The following DENND1A variants were observed in gnomAD, a reference collection of about 807,000 sequenced individuals.
DENND1A encodes DENN domain-containing protein 1A.
DENND1A carries 51 observed loss-of-function variants against 113.7 expected under a neutral mutation model. The ratio of observed to expected loss-of-function variants is 0.45; its 90% CI spans 0.36 to 0.57. DENND1A has a LOEUF of 0.57. Among genes scored for constraint, DENND1A ranks in the 20% least tolerant of loss-of-function variants. The probability of loss-of-function intolerance (pLI) is 0.00; values close to 1 mark genes in which losing one functional copy is unlikely to be tolerated. For synonymous variants in DENND1A, 565 were observed against 570.8 expected (o/e 0.99, Z 0.14); for missense variants, 1,258 against 1,395.9 (o/e 0.90, Z 1.57).
intron 11 of DENND1A, among the ~76,000 whole-genome samples, chr9:123,598,798 T>A (rs1167838531): frequency 6.6e-6 from 1 of 152,194 alleles, no homozygotes; most frequent in African/African-American, 2.4e-5. Flanking sequence ...ATATTTGCAG[T>A]TAAATGCTGA....
chr9:123,851,344 G>A (rs1843329837), intron 2 of DENND1A, among the ~76,000 whole-genome samples: 1 of 152,186 alleles, frequency 6.6e-6, no homozygotes, highest in South Asian at 2.1e-4. Flanking sequence ...CATCCATGTT[G>A]TTGAATATAG....
intron 2 of DENND1A, among the ~76,000 whole-genome samples, chr9:123,844,020 C>G (rs1042812257): frequency 1.6e-4 from 24 of 152,000 alleles, no homozygotes; most frequent in Non-Finnish European, 2.1e-4. Context: ...AATCCAATAT[C>G]CTTTCATAAT....
intron 2 of DENND1A, 131 bp downstream of exon 2, chr9:123,878,820 T>C (rs1847899734): frequency 5.0e-6 from 4 of 806,230 alleles, no homozygotes; most frequent in African/African-American, 3.4e-5. Context: ...TGAGCATGAA[T>C]AAAAGGAAAA....
chr9:123,641,224 G>T (rs1023180486), intron 9 of DENND1A, among the ~76,000 whole-genome samples: 1 of 152,134 alleles, frequency 6.6e-6, no homozygotes, highest in African/African-American at 2.4e-5. Context: ...GCCAAAGTGG[G>T]TGCAGGGCTT....
chr9:123,447,405 A>T (rs867810361), intron 18 of DENND1A, among the ~76,000 whole-genome samples: 3 of 152,314 alleles, frequency 2.0e-5, no homozygotes, highest in Middle Eastern at 3.4e-3. Context: ...GAAAGCTCCG[A>T]TTTCAAATGC....
rs142253286 is a variant in DENND1A, at chr9:123,911,202, T to C, written c.17+18687A>G. Among the ~76,000 whole-genome samples, 705 of 152,234 alleles carry C rather than the reference T, an allele frequency of 4.6e-3. 5 individuals are homozygous for C. Among genetic ancestry groups the C allele is most frequent in the African/African-American group, 0.016 (675 of 41,538 alleles). ...CATGAGTAATCAGTCATCAGGGAAA[T>C]GCAGATTAAAACCACAATGAGCTAC... is the stretch of plus-strand genomic sequence containing the variant. On this transcript the variant is annotated intron_variant, in intron 1 of 23. Transcript: ENST00000394215.
chr9:123,881,074 G>A (rs532655962), intron 1 of DENND1A, among the ~76,000 whole-genome samples: 11 of 152,172 alleles, frequency 7.2e-5, no homozygotes, highest in Middle Eastern at 3.4e-3. Context: ...GCTTTCAAGC[G>A]TCTGTAGCAA....
intron 2 of DENND1A, chr9:123,843,202 T>C (rs1842078303): frequency 3.7e-6 from 2 of 545,764 alleles, no homozygotes; most frequent in African/African-American, 1.9e-5. Context: ...GCTGTCAATC[T>C]AGTATTATAT....
In DENND1A at chr9:123,384,444, G is replaced by A. The variant is rs148398966; in HGVS notation, c.1761-531C>T. 9.1e-3 allele frequency among the ~76,000 whole-genome samples: 1,382 copies of A among 152,350 alleles called. 15 individuals carry two copies. Among genetic ancestry groups the A allele is most frequent in the Non-Finnish European group, 0.012 (789 of 68,036 alleles). On this transcript the variant is annotated intron_variant, in intron 22 of 23. Coordinates refer to ENST00000394215, the MANE Select transcript of DENND1A (RefSeq NM_001352964.2). ...TAACCTTGGTTCCACCTCTGGTCATGCTATTTCTTGCTGTGGGACCTTTGG... is the reference window on the plus strand; with the variant it reads ...TAACCTTGGTTCCACCTCTGGTCATACTATTTCTTGCTGTGGGACCTTTGG...
chr9:123,495,159 CTCTCTCTCTCTTA>C (rs961786016), intron 13 of DENND1A, among the ~76,000 whole-genome samples: 1 of 151,518 alleles, frequency 6.6e-6, no homozygotes, highest in Non-Finnish European at 1.5e-5. Context: ...CTCTCTCTCT[CTCTCTCTCTCTTA>C]TAATGTCTGT....
intron 22 of DENND1A, among the ~76,000 whole-genome samples, chr9:123,385,378 T>C (rs954308454): frequency 1.3e-5 from 2 of 152,218 alleles, no homozygotes; most frequent in Non-Finnish European, 2.9e-5. Context: ...TTGGCCAGGC[T>C]GGTCTCGAAC....
chr9:123,726,935 G>A (rs180977292), intron 5 of DENND1A, among the ~76,000 whole-genome samples: 1 of 152,312 alleles, frequency 6.6e-6, no homozygotes, highest in East Asian at 1.9e-4. Context: ...GAGTGGGAAA[G>A]GCCAGGGACT....
At chr9:123,617,771 G>A (rs1589374179) in intron 10 of DENND1A, among the ~76,000 whole-genome samples, 1 of 152,056 alleles carries the variant, frequency 6.6e-6, no homozygotes, top group Admixed American at 6.6e-5. Flanking sequence ...AATGAGAACC[G>A]TAATAGCTAA....
intron 17 of DENND1A, 54 bp from the exon 18 acceptor site, chr9:123,450,803 T>A: frequency 6.9e-7 from 1 of 1,457,880 alleles, no homozygotes; most frequent in Non-Finnish European, 9.5e-7. Flanking sequence ...CAGCAGGGAC[T>A]ATGCTTGATT....
intron 2 of DENND1A, among the ~76,000 whole-genome samples, chr9:123,842,331 G>A (rs1257874647): frequency 6.6e-6 from 1 of 152,210 alleles, no homozygotes; most frequent in Non-Finnish European, 1.5e-5. Context: ...TTACTTTGCA[G>A]TGGCTGCAAG....
chr9:123,469,365 C>T (rs181520971), intron 13 of DENND1A, among the ~76,000 whole-genome samples: 6 of 152,350 alleles, frequency 3.9e-5, no homozygotes, highest in East Asian at 1.9e-4. Flanking sequence ...CAGGCATGGC[C>T]GGGCTGCCAG....
intron 21 of DENND1A, among the ~76,000 whole-genome samples, chr9:123,398,166 C>G (rs2043230900): frequency 6.6e-6 from 1 of 152,200 alleles, no homozygotes; most frequent in African/African-American, 2.4e-5. Context: ...TCCATACTCT[C>G]AGCAACTCTG....
intron 13 of DENND1A, among the ~76,000 whole-genome samples, chr9:123,523,376 T>C (rs757505313): frequency 1.3e-5 from 2 of 152,176 alleles, no homozygotes; most frequent in Non-Finnish European, 2.9e-5. Flanking sequence ...TCCATGTGTA[T>C]AAGAAGATAC....
At chr9:123,425,529 C>A (rs1176964267) in intron 19 of DENND1A, among the ~76,000 whole-genome samples, 1 of 152,268 alleles carries the variant, frequency 6.6e-6, no homozygotes, top group Non-Finnish European at 1.5e-5. Flanking sequence ...ACTGACTACT[C>A]AAGGGCACAA....
Sources: gnomAD v4.1 joint callset for allele counts (sites outside exome capture counted in the v4.1 genomes callset) on GRCh38, gnomAD v4.1.1 for gene constraint, MANE v1.5 for transcripts, NCBI Gene and HGNC (gene_info 2026-07-23, HGNC 2026-07-21) for gene names.